Variants in NPHS1 observed in about 807,000 individuals in gnomAD.
The protein encoded by NPHS1 is nephrin.
In NPHS1, 107 loss-of-function variants were observed where a neutral mutation model predicts 139.7. The ratio of observed to expected loss-of-function variants is 0.77; its 90% CI spans 0.66 to 0.90. The LOEUF is 0.90. Among genes scored for constraint, NPHS1 ranks in the 40% least tolerant of loss-of-function variants. NPHS1 has a pLI of 0.00. For synonymous variants in NPHS1, 707 were observed against 706.6 expected, an observed-to-expected ratio of 1.00 and a Z score of -0.01; for missense variants, 1,580 against 1,654.2, an observed-to-expected ratio of 0.96 and a Z score of 0.78.
In NPHS1 at chr19:35,842,832, A is replaced by G. The variant is rs577328589; in HGVS notation, c.2335-282T>C. Among the ~76,000 whole-genome samples, 19 of 151,844 alleles carry G rather than the reference A, an allele frequency of 1.3e-4. No individual in the cohort carries two copies. The South Asian group carries it at 3.7e-3, about 30-fold the overall frequency. On this transcript the variant is annotated intron_variant, in intron 17 of 28. Transcript: ENST00000378910. ...TATCCATCTGCTTATCTCTCCATTCATCCATTTATCTTTCCATCCACTCAT... is the reference window on the plus strand; with the variant it reads ...TATCCATCTGCTTATCTCTCCATTCGTCCATTTATCTTTCCATCCACTCAT...
Position 35,851,799 on chromosome 19 carries a change from G to A in NPHS1, c.39C>T (p.Leu13=). ...LGTTLRASLL[L]LGLLTEGLAQ... ...ACTCACCTTCAGTCAGCAGCCCCAG[G>A]AGCAGGAGAGAAGCCCTGAGCGTCG... is the stretch of plus-strand genomic sequence containing the variant. The change falls in exon 1 of 29, where the codon CTC becomes CTT. Residue 13 remains leucine (L), a synonymous_variant. Coordinates refer to ENST00000378910, the MANE Select transcript of NPHS1 (RefSeq NM_004646.4). 1 of 1,553,278 alleles carries A rather than the reference G, an allele frequency of 6.4e-7. No homozygotes were observed. Among genetic ancestry groups the A allele is most frequent in the South Asian group, 1.2e-5 (1 of 84,152 alleles).
intron 28 of NPHS1, among the ~76,000 whole-genome samples, chr19:35,828,214 C>A (rs938237973): frequency 6.6e-6 from 1 of 152,116 alleles, no homozygotes; most frequent in African/African-American, 2.4e-5. Context: ...TGGCCTGCCA[C>A]CTGCTTTTTT....
chr19:35,850,858 C>T (rs1481045225), intron 4 of NPHS1, 103 bp downstream of exon 4: 1 of 1,444,684 alleles, frequency 6.9e-7, no homozygotes, highest in Non-Finnish European at 9.5e-7. Flanking sequence ...CCAGGGATGA[C>T]ATCTTTTCTG....
rs748700188 is a variant in NPHS1 at position 35,849,560 on chromosome 19, C to T, written c.702G>A (p.Val234=). 6.2e-7 allele frequency: 1 copy of T among 1,613,842 alleles called. No individual in the cohort carries two copies. Among genetic ancestry groups the T allele is most frequent in the Non-Finnish European group, 8.5e-7 (1 of 1,179,758 alleles). Residue 234 remains valine (V), a synonymous_variant, in exon 6 of 29, where the codon GTG becomes GTA. Coordinates refer to ENST00000378910, the MANE Select transcript of NPHS1 (RefSeq NM_004646.4). ...CAGTTCTCCACTTACACAGAACATT[C>T]ACGGTGAATGAGGCCTTGATGGGGG... The part of the protein sequence containing the change: ...LEAPIKASFT[V]NVLFPPGPPV...
At chr19:35,850,786 C>T (rs992163595) in intron 4 of NPHS1, among the ~76,000 whole-genome samples, 175 bp downstream of exon 4, 1 of 152,152 alleles carries the variant, frequency 6.6e-6, no homozygotes, top group African/African-American at 2.4e-5. Flanking sequence ...GATGTGCCCT[C>T]GCATCCACTG....
rs747724382 is a variant in NPHS1 at position 35,844,346 on chromosome 19, T to G, written c.2044A>C (p.Thr682Pro). ...GGACTGAGGCGATAGCCGCGGAAGG[T>G]CCAGTTGAAGGCCTCGGGGGCGGGG... ...ANPAPEAFNWTFRGYRLSPAG... is the reference protein window; with the variant it reads ...ANPAPEAFNWPFRGYRLSPAG... The change falls in exon 15 of 29, where the codon ACC (threonine) becomes CCC (proline). Residue 682 changes from threonine (T) to proline (P), a missense_variant. Thr to Pro is a conservative substitution (Grantham distance 38, BLOSUM62 -1). Transcript: ENST00000378910. 6.2e-7 allele frequency: 1 copy of G among 1,613,754 alleles called. No individual in the cohort carries two copies. Among genetic ancestry groups the G allele is most frequent in the Non-Finnish European group, 8.5e-7 (1 of 1,179,934 alleles).
At chr19:35,846,610 T>G (rs1475937273) in intron 11 of NPHS1, among the ~76,000 whole-genome samples, 1 of 152,232 alleles carries the variant, frequency 6.6e-6, no homozygotes, top group Non-Finnish European at 1.5e-5. Flanking sequence ...TTTCTTAAAA[T>G]TCCTGCTGTC....
rs748652651 is a variant in NPHS1, at chr19:35,850,435, T to C, written c.537A>G (p.Thr179=). The change falls in exon 5 of 29, where the codon ACA becomes ACG. Residue 179 remains threonine, a synonymous_variant. Coordinates refer to ENST00000378910, the MANE Select transcript of NPHS1 (RefSeq NM_004646.4). ...TCACGTTTGCAGAGATGTCAGATAT[T>C]GTCTGTCCACCTTGGGGCAGCAAGA... ...PDITILLSGQ[T]ISDISANVNE... 1.2e-6 allele frequency: 2 copies of C among 1,614,090 alleles called. No homozygotes were observed. Among genetic ancestry groups the C allele is most frequent in the South Asian group, 1.1e-5 (1 of 91,084 alleles).
At chr19:35,841,505 T>C (rs971019237) in intron 20 of NPHS1, among the ~76,000 whole-genome samples, 1 of 152,184 alleles carries the variant, frequency 6.6e-6, no homozygotes, top group Non-Finnish European at 1.5e-5. Context: ...CTCCATCTTT[T>C]TTCTGTTCTT....
Position 35,845,570 on chromosome 19 carries a change from G to C in NPHS1, c.1758-30C>G, listed in dbSNP as rs764658868. ...GGAACCGGGGTCAAGCCAGGGCTGC[G>C]AGCGGAGCCAGAGGCTGGAGAGGCA... On this transcript the variant is annotated intron_variant, in intron 13 of 28. Transcript: ENST00000378910. The surrounding 1 kb of genome is among the most constrained non-coding windows in gnomAD (Gnocchi z 5.5). 1.2e-6 allele frequency: 2 copies of C among 1,609,924 alleles called. No individual in the cohort carries two copies. Among genetic ancestry groups the C allele is most frequent in the South Asian group, 2.2e-5 (2 of 90,644 alleles).
chr19:35,836,375 A>C (rs1432592735), intron 22 of NPHS1, among the ~76,000 whole-genome samples: 2 of 151,670 alleles, frequency 1.3e-5, no homozygotes, highest in Non-Finnish European at 2.9e-5. Flanking sequence ...CTCCCGCCTC[A>C]GACTCCTGAT....
chr19:35,831,514 G>A lies in NPHS1; in HGVS notation c.3287-14C>T. ...TCTCTGAGATGCCTGAAGGAAACAG[G>A]AATAAAGGGCTCAGTGACCCTATGC... On this transcript the variant is annotated splice_polypyrimidine_tract_variant and intron_variant, in intron 24 of 28. Transcript: ENST00000378910. 3.1e-6 allele frequency: 5 copies of A among 1,613,938 alleles called. No homozygotes were observed. Among genetic ancestry groups the A allele is most frequent in the African/African-American group, 1.3e-5 (1 of 74,950 alleles).
In NPHS1 at chr19:35,826,427, C is replaced by G; in HGVS notation, c.*87G>C. ...GTCCCTTTGGGTTTTATGGAGCTCA[C>G]CTAACCAGCTCGGCCCAGGCTGTAA... On this transcript the variant is annotated 3_prime_UTR_variant, in exon 29 of 29. Coordinates refer to ENST00000378910, the MANE Select transcript of NPHS1 (RefSeq NM_004646.4). The G allele has an allele frequency of 6.4e-7, 1 of 1,550,730 alleles. No homozygotes were observed. Among genetic ancestry groups the G allele is most frequent in the South Asian group, 1.1e-5 (1 of 89,468 alleles).
At chr19:35,839,631 C>A in intron 20 of NPHS1, 24 bp from the exon 21 acceptor site, 1 of 1,566,968 alleles carries the variant, frequency 6.4e-7, no homozygotes, top group South Asian at 1.1e-5. Context: ...GATGGGAAAG[C>A]AGTCAGAGGA....
intron 23 of NPHS1, among the ~76,000 whole-genome samples, chr19:35,835,136 G>T (rs991353345): frequency 1.4e-5 from 2 of 145,710 alleles, no homozygotes; most frequent in Admixed American, 1.4e-4. Flanking sequence ...GGAGGTGGAG[G>T]TTGCAGTGAG....
At chr19:35,844,282 C>A in intron 15 of NPHS1, 37 bp downstream of exon 15, 4 of 1,613,866 alleles carry the variant, frequency 2.5e-6, no homozygotes, top group Non-Finnish European at 2.5e-6. Flanking sequence ...CAGGACCTCC[C>A]ATCCCCGGGA....
At position 35,826,540 on chromosome 19, in the gene NPHS1, AG is replaced by A; in HGVS notation, c.3699del (p.Phe1234SerfsTer3). 6.2e-7 allele frequency: 1 copy of A among 1,613,924 alleles called. No individual in the cohort carries two copies. On this transcript the variant is annotated frameshift_variant, in exon 29 of 29. Coordinates refer to ENST00000378910, the MANE Select transcript of NPHS1 (RefSeq NM_004646.4). LOFTEE classifies it high-confidence loss of function. Reference protein sequence around the residue: ...DLDTLEPDSLPFELRGHLV With the variant: ...DLDTLEPDSLXFELRGHLV Reference sequence around the variant, plus strand: ...TACACCAGATGTCCCCTCAGCTCGAAGGGCAGAGAATCGGGTTCCAGAGTGT... The same window carrying A: ...TACACCAGATGTCCCCTCAGCTCGAAGGCAGAGAATCGGGTTCCAGAGTGT...
intron 17 of NPHS1, among the ~76,000 whole-genome samples, 174 bp from the exon 18 acceptor site, chr19:35,842,724 A>G (rs1973079834): frequency 6.6e-6 from 1 of 152,054 alleles, no homozygotes; most frequent in African/African-American, 2.4e-5. Flanking sequence ...CCATCTTTTC[A>G]TCCACCAATC....
rs774500707 is a variant in NPHS1 at position 35,831,315 on chromosome 19, C to G, written c.3368G>C (p.Arg1123Pro). The change falls in exon 26 of 29, where the codon CGG (arginine) becomes CCG (proline). Residue 1123 changes from arginine to proline, a missense_variant. Arg to Pro is a moderately radical substitution (Grantham distance 103, BLOSUM62 -2). Coordinates refer to ENST00000378910, the MANE Select transcript of NPHS1 (RefSeq NM_004646.4). Reference sequence around the variant, plus strand: ...ACTTACCGTGGAGCTCTGAGTGTCCCGCTCTCCTGTCCACTGGCTCTCCTC... The same window carrying G: ...ACTTACCGTGGAGCTCTGAGTGTCCGGCTCTCCTGTCCACTGGCTCTCCTC... ...EYEESQWTGE[R>P]DTQSSTVSTT... 5.0e-6 allele frequency: 8 copies of G among 1,613,886 alleles called. No individual in the cohort carries two copies. The highest frequency in any genetic ancestry group is 6.8e-6 in the Non-Finnish European group (8 of 1,179,994).
Sources: allele counts gnomAD v4.1 joint callset (sites outside exome capture counted in the v4.1 genomes callset), GRCh38; gene constraint gnomAD v4.1.1; non-coding constraint Gnocchi (gnomAD v3.1); transcripts MANE v1.5; gene names NCBI Gene and HGNC (gene_info 2026-07-23, HGNC 2026-07-21).